Variants in EGFLAM observed in about 807,000 individuals in gnomAD.
EGFLAM encodes EGF like, fibronectin type III and laminin G domains, also known as pikachurin.
In EGFLAM, 79 loss-of-function variants were observed where a neutral mutation model predicts 113.1. The observed-to-expected ratio is 0.70, with a 90% confidence interval of 0.58 to 0.84. The LOEUF is 0.84. Ranked by LOEUF, EGFLAM falls within the 40% of genes least tolerant of loss-of-function variation. The pLI is 0.00. For missense variants in EGFLAM, 1,265 were observed against 1,291.6 expected (o/e 0.98, Z 0.32); for synonymous variants, 504 against 487.6 (o/e 1.03, Z -0.44).
At chr5:38,402,176 G>C (rs754601396) in intron 6 of EGFLAM, 5 of 152,176 alleles carry the variant, frequency 3.3e-5, no homozygotes, top group Non-Finnish European at 7.3e-5. Flanking sequence ...GCATTCAGGA[G>C]ACAACTGGCA....
rs776543498 is a variant in EGFLAM, at chr5:38,370,298, C to T, written c.548C>T (p.Pro183Leu). ...IQYYSVEFIRPDFDKKWTSIH... is the reference protein window; with the variant it reads ...IQYYSVEFIRLDFDKKWTSIH... ...TTCTGTTTTTCTAATCAATAAAGGC[C>T]AGATTTCGACAAGAAGTGGACCTCA... Residue 183 changes from proline (P) to leucine (L), a missense_variant and splice_region_variant, in exon 6 of 22, where the codon CCA (proline) becomes CTA (leucine). Transcript: ENST00000322350. 3 of 1,612,756 alleles carry T rather than the reference C, an allele frequency of 1.9e-6. No homozygotes were observed. The African/African-American group carries it at 4.0e-5, about 22-fold the overall frequency.
At chr5:38,373,674 T>G (rs1740287005) in intron 6 of EGFLAM, among the ~76,000 whole-genome samples, 1 of 152,254 alleles carries the variant, frequency 6.6e-6, no homozygotes, top group African/African-American at 2.4e-5. Flanking sequence ...TGATAGATAC[T>G]TAGGTTGATT....
intron 5 of EGFLAM, among the ~76,000 whole-genome samples, chr5:38,365,428 C>T (rs1304986936): frequency 6.6e-6 from 1 of 152,206 alleles, no homozygotes; most frequent in African/African-American, 2.4e-5. Flanking sequence ...GAACAGGCTT[C>T]ATTTGCCATG....
At chr5:38,265,782 C>G (rs1050509243) in intron 1 of EGFLAM, among the ~76,000 whole-genome samples, 6 of 152,296 alleles carry the variant, frequency 3.9e-5, no homozygotes, top group East Asian at 1.9e-4. Flanking sequence ...GGGTCTCCGC[C>G]CTCAGCAGTA....
rs940548950 is a variant in EGFLAM at position 38,412,757 on chromosome 5, G to A, written c.1494+109G>A. ...GCAGAGTCTGCAGGATTCAAGTTCT[G>A]GATGGGCTTGGTAAGGCCTATTTCT... On this transcript the variant is annotated intron_variant, in intron 11 of 21. Coordinates refer to ENST00000322350, the MANE Select transcript of EGFLAM (RefSeq NM_152403.4). 4 of 1,452,566 alleles carry A rather than the reference G, an allele frequency of 2.8e-6. No individual in the cohort carries two copies. The Admixed American group carries it at 1.0e-4, about 36-fold the overall frequency. 90.0% of individuals were successfully genotyped at this position (1,452,566 alleles called of 1,614,324 possible).
intron 1 of EGFLAM, among the ~76,000 whole-genome samples, chr5:38,303,132 G>C (rs1186834349): frequency 1.3e-5 from 2 of 152,114 alleles, no homozygotes; most frequent in African/African-American, 4.8e-5. Context: ...GATTTACCCA[G>C]CACACTCTTT....
At chr5:38,438,914 A>G (rs998928670) in intron 17 of EGFLAM, among the ~76,000 whole-genome samples, 1 of 152,256 alleles carries the variant, frequency 6.6e-6, no homozygotes, top group Admixed American at 6.5e-5. Flanking sequence ...CAAATTATAC[A>G]TTAGTTGCTC....
chr5:38,367,145 TTTG>T (rs552137444), intron 5 of EGFLAM, among the ~76,000 whole-genome samples: 28 of 152,226 alleles, frequency 1.8e-4, no homozygotes, highest in South Asian at 1.2e-3. Context: ...TGCCCATGTT[TTTG>T]TTGTTGTTGT....
intron 7 of EGFLAM, 57 bp from the exon 8 acceptor site, chr5:38,406,771 C>G: frequency 1.3e-6 from 2 of 1,511,056 alleles, no homozygotes; most frequent in Non-Finnish European, 1.8e-6. Context: ...ATAAATAAAA[C>G]AGTCCAATTG....
chr5:38,276,650 A>C (rs979380468), intron 1 of EGFLAM, among the ~76,000 whole-genome samples: 1 of 152,096 alleles, frequency 6.6e-6, no homozygotes, highest in Non-Finnish European at 1.5e-5. Flanking sequence ...TTTTTTTAAA[A>C]AAGATAAATA....
chr5:38,352,286 G>C lies in EGFLAM; in HGVS notation c.500G>C (p.Ser167Thr), dbSNP rs1217883680. Residue 167 changes from serine to threonine, a missense_variant, in exon 5 of 22, where the codon AGT (serine) becomes ACT (threonine). Ser to Thr is a moderately conservative substitution (Grantham distance 58). Coordinates refer to ENST00000322350, the MANE Select transcript of EGFLAM (RefSeq NM_152403.4). The part of the protein sequence containing the change: ...EVALSWKPGA[S>T]EGSAPIQYYS... ...GCCCTGTCTTGGAAACCTGGAGCGAGTGAAGGAAGCGCCCCTATTCAGTAC... is the reference window on the plus strand; with the variant it reads ...GCCCTGTCTTGGAAACCTGGAGCGACTGAAGGAAGCGCCCCTATTCAGTAC... 4.3e-6 allele frequency: 7 copies of C among 1,613,960 alleles called. No individual in the cohort carries two copies. The highest frequency in any genetic ancestry group is 1.3e-5 in the African/African-American group (1 of 74,892).
At chr5:38,417,435 C>A (rs1212494654) in intron 11 of EGFLAM, among the ~76,000 whole-genome samples, 1 of 150,192 alleles carries the variant, frequency 6.7e-6, no homozygotes, top group African/African-American at 2.5e-5. Flanking sequence ...TATTTTGTAA[C>A]CTTTAAACCT....
chr5:38,431,932 T>A (rs1742202869), intron 15 of EGFLAM, among the ~76,000 whole-genome samples: 2 of 152,140 alleles, frequency 1.3e-5, no homozygotes, highest in Admixed American at 1.3e-4. Context: ...GTGGTGGTGG[T>A]CGTGGTGAAT....
rs139972005 is a variant in EGFLAM at position 38,270,875 on chromosome 5, G to A, written c.97+12024G>A. On this transcript the variant is annotated intron_variant, in intron 1 of 21. Coordinates refer to ENST00000322350, the MANE Select transcript of EGFLAM (RefSeq NM_152403.4). ...TTCATTGTGGTCTATAGAGTTTATA[G>A]AGTGGTAGAGATGTTAACTTTTCTA... 9.9e-3 allele frequency among the ~76,000 whole-genome samples: 1,509 copies of A among 152,282 alleles called. 10 individuals carry two copies. The highest frequency in any genetic ancestry group is 0.014 in the South Asian group (67 of 4,826).
chr5:38,367,267 CT>C (rs746689355), intron 5 of EGFLAM, among the ~76,000 whole-genome samples: 7,420 of 137,740 alleles, frequency 0.054, 173 homozygotes, highest in East Asian at 0.092. Flanking sequence ...CCACCCCAGA[CT>C]TTTTTTTTTT....
intron 6 of EGFLAM, among the ~76,000 whole-genome samples, chr5:38,395,044 G>A (rs906295738): frequency 4.6e-5 from 7 of 151,838 alleles, no homozygotes; most frequent in Non-Finnish European, 8.8e-5. Flanking sequence ...GGATTCAAGC[G>A]ATTTTCCTGT....
chr5:38,350,264 T>C (rs1739585426), intron 3 of EGFLAM, among the ~76,000 whole-genome samples: 2 of 152,180 alleles, frequency 1.3e-5, no homozygotes, highest in Admixed American at 1.3e-4. Flanking sequence ...TGAATGTATC[T>C]AGTTCTAGGA....
intron 1 of EGFLAM, among the ~76,000 whole-genome samples, chr5:38,316,791 G>A (rs571254596): frequency 6.6e-6 from 1 of 152,176 alleles, no homozygotes; most frequent in Admixed American, 6.5e-5. Flanking sequence ...GAATAACCTT[G>A]CCAGGCCAGT....
At chr5:38,366,076 C>G (rs1023451086) in intron 5 of EGFLAM, among the ~76,000 whole-genome samples, 1 of 152,166 alleles carries the variant, frequency 6.6e-6, no homozygotes, top group African/African-American at 2.4e-5. Flanking sequence ...TCCACACCAT[C>G]TTTATTTGTC....
Sources: gnomAD v4.1 joint callset for allele counts (sites outside exome capture counted in the v4.1 genomes callset) on GRCh38, gnomAD v4.1.1 for gene constraint, MANE v1.5 for transcripts, NCBI Gene and HGNC (gene_info 2026-07-23, HGNC 2026-07-21) for gene names.